UBE2D4: variants seen among roughly 807,000 people sequenced by gnomAD.
UBE2D4 encodes the protein ubiquitin-conjugating enzyme E2 D4.
Under a neutral mutation model 23.0 loss-of-function variants are expected in UBE2D4, and 17 were observed. The observed-to-expected ratio is 0.74, with a 90% CI of 0.51 to 1.11. The LOEUF (loss-of-function observed/expected upper bound fraction) is 1.11, where lower values mean the gene tolerates loss of function less well. UBE2D4 is among the 50% of genes least tolerant of loss of function. UBE2D4 has a pLI of 0.00. For synonymous variants in UBE2D4, 61 were observed against 69.4 expected, an observed-to-expected ratio of 0.88 and a Z score of 0.60; for missense variants, 139 against 181.8, an observed-to-expected ratio of 0.76 and a Z score of 1.35.
In UBE2D4 at chr7:43,944,958, AAGG is replaced by A. The variant is rs1164591740; in HGVS notation, c.198+1930_198+1932del. On this transcript the variant is annotated intron_variant, in intron 4 of 6. Transcript: ENST00000222402. This position sits in a 1 kb window ranked among gnomAD's most constrained non-coding sequence, Gnocchi z 4.0. ...CAGCATACCTAATTGCCTAAGGACAAAGGAGAAACAGTGATTATTATTATTATT... is the reference window on the plus strand; with the variant it reads ...CAGCATACCTAATTGCCTAAGGACAAAGAAACAGTGATTATTATTATTATT... 1 of 152,170 alleles carries A rather than the reference AAGG, an allele frequency of 6.6e-6. No individual in the cohort carries two copies. The highest frequency in any genetic ancestry group is 1.5e-5 in the Non-Finnish European group (1 of 68,034). 9.4% of individuals were successfully genotyped at this position (152,170 alleles called of 1,614,324 possible).
At chr7:43,943,326 C>T (rs2095977779) in intron 4 of UBE2D4, 1 of 534,824 alleles carries the variant, frequency 1.9e-6, no homozygotes, top group Non-Finnish European at 3.4e-6. Context: ...CTCTGGCTCC[C>T]TTCTCTGCAG....
chr7:43,938,120 G>A (rs2095962570), intron 1 of UBE2D4, among the ~76,000 whole-genome samples: 1 of 152,148 alleles, frequency 6.6e-6, no homozygotes, highest in African/African-American at 2.4e-5. Flanking sequence ...TAGGAGGCTA[G>A]GCTTGGGGGT....
At position 43,953,154 on chromosome 7, in the gene UBE2D4, C is replaced by T; in HGVS notation, c.*459C>T. The T allele has an allele frequency of 2.2e-6, 1 of 456,806 alleles. No homozygotes were observed. Among genetic ancestry groups the T allele is most frequent in the East Asian group, 6.9e-5 (1 of 14,392 alleles). The allele number at this position is 456,806 out of a possible 1,614,324, so 28.3% of individuals were successfully genotyped here. On this transcript the variant is annotated 3_prime_UTR_variant, in exon 7 of 7. Transcript: ENST00000222402. ...AGGGCAGAGCAGGCTTTGTTCGCAC[C>T]TCATCTGCTGCAGAACCACATCCTG... is the stretch of plus-strand genomic sequence containing the variant.
chr7:43,931,852 C>T (rs1258314149), intron 1 of UBE2D4, among the ~76,000 whole-genome samples: 2 of 151,670 alleles, frequency 1.3e-5, no homozygotes, highest in Non-Finnish European at 2.9e-5. Flanking sequence ...TGCCTGGCTA[C>T]TTTTTTTTGT....
intron 2 of UBE2D4, 143 bp downstream of exon 2, chr7:43,938,637 A>G (rs772265265): frequency 4.4e-5 from 33 of 749,250 alleles, no homozygotes; most frequent in Non-Finnish European, 7.1e-5. Context: ...GGAGTTTGAA[A>G]CTAGCCTGGC....
chr7:43,933,681 T>G (rs944179173), intron 1 of UBE2D4, among the ~76,000 whole-genome samples: 6 of 152,054 alleles, frequency 3.9e-5, no homozygotes, highest in African/African-American at 1.2e-4. Context: ...TAGGCAGAGG[T>G]TGCAGTGAGC....
rs187243462 is a variant in UBE2D4, at chr7:43,928,101, C to T, written c.24+1545C>T. ...TGGCAGAAAGCAAAGGAGAAGCAGG[C>T]GTGTCACCTGGTAAGAGAGGGAGCA... On this transcript the variant is annotated intron_variant, in intron 1 of 6. Coordinates refer to ENST00000222402, the MANE Select transcript of UBE2D4 (RefSeq NM_015983.4). The T allele has an allele frequency of 3.5e-5, 16 of 451,438 alleles. No homozygotes were observed. The East Asian group carries it at 6.3e-4, about 18-fold the overall frequency. The allele number at this position is 451,438 out of a possible 1,614,324, so 28.0% of individuals were successfully genotyped here.
chr7:43,935,862 A>C (rs2095957212), intron 1 of UBE2D4, among the ~76,000 whole-genome samples: 1 of 152,168 alleles, frequency 6.6e-6, no homozygotes, highest in Non-Finnish European at 1.5e-5. Flanking sequence ...GGGTTTCTTT[A>C]AATGAAGCCC....
At chr7:43,928,708 G>A (rs984114003) in intron 1 of UBE2D4, among the ~76,000 whole-genome samples, 3 of 152,148 alleles carry the variant, frequency 2.0e-5, no homozygotes, top group African/African-American at 7.2e-5. Flanking sequence ...GAATTGACAG[G>A]ACTCGAGGAG....
intron 1 of UBE2D4, among the ~76,000 whole-genome samples, chr7:43,930,834 A>G (rs2095943642): frequency 6.6e-6 from 1 of 151,908 alleles, no homozygotes; most frequent in South Asian, 2.1e-4. Context: ...CCATTCTTGC[A>G]TTGCTGTTAG....
intron 5 of UBE2D4, chr7:43,949,082 AAT>A: frequency 2.6e-6 from 1 of 378,864 alleles, no homozygotes; most frequent in Non-Finnish European, 4.7e-6. Context: ...TTATTCATCT[AAT>A]AAGCACAAAA....
intron 1 of UBE2D4, among the ~76,000 whole-genome samples, chr7:43,935,291 T>G (rs1198639667): frequency 1.3e-5 from 2 of 152,132 alleles, no homozygotes; most frequent in East Asian, 3.8e-4. Flanking sequence ...ACTATTAACT[T>G]TTAGGTTGGG....
At chr7:43,938,341 C>A (rs2132765717) in intron 1 of UBE2D4, 90 bp from the exon 2 acceptor site, 1 of 1,314,820 alleles carries the variant, frequency 7.6e-7, no homozygotes, top group Non-Finnish European at 1.1e-6. Flanking sequence ...CCTCCTCCCA[C>A]CAGGAGAATT....
At chr7:43,933,021 C>CAT (rs1410123124) in intron 1 of UBE2D4, among the ~76,000 whole-genome samples, 1 of 115,008 alleles carries the variant, frequency 8.7e-6, no homozygotes, top group African/African-American at 3.6e-5. Context: ...TATACACACA[C>CAT]ATATATATAC....
intron 1 of UBE2D4, among the ~76,000 whole-genome samples, chr7:43,935,927 C>T (rs1585862389): frequency 1.3e-5 from 2 of 152,184 alleles, no homozygotes; most frequent in Non-Finnish European, 2.9e-5. Flanking sequence ...ATTGGAGGCT[C>T]CCAAAAGACC....
chr7:43,933,078 TAC>T (rs1209232776), intron 1 of UBE2D4, among the ~76,000 whole-genome samples: 1 of 147,890 alleles, frequency 6.8e-6, no homozygotes, highest in East Asian at 2.0e-4. Context: ...CACATATATA[TAC>T]ACATATGTAT....
intron 1 of UBE2D4, among the ~76,000 whole-genome samples, chr7:43,927,228 T>C (rs529626532): frequency 1.3e-5 from 2 of 152,324 alleles, no homozygotes; most frequent in Admixed American, 1.3e-4. Context: ...TTAAAACAAT[T>C]ATACTGCATT....
At chr7:43,942,668 G>C (rs1209576709) in intron 2 of UBE2D4, 158 bp from the exon 3 acceptor site, 7 of 928,068 alleles carry the variant, frequency 7.5e-6, no homozygotes, top group South Asian at 4.3e-5. Flanking sequence ...GGCAGTTATT[G>C]CATCTTGGGT....
chr7:43,945,245 G>A (rs914848643), intron 4 of UBE2D4, among the ~76,000 whole-genome samples: 1 of 152,084 alleles, frequency 6.6e-6, no homozygotes, highest in African/African-American at 2.4e-5. Context: ...CGCCCACCAC[G>A]GCCTCTCAAA....
Sources: allele counts gnomAD v4.1 joint callset (sites outside exome capture counted in the v4.1 genomes callset), GRCh38; gene constraint gnomAD v4.1.1; non-coding constraint Gnocchi (gnomAD v3.1); transcripts MANE v1.5; gene names NCBI Gene and HGNC (gene_info 2026-07-23, HGNC 2026-07-21).